The following NPAS3 variants were observed in gnomAD, a reference collection of about 807,000 sequenced individuals.
The protein encoded by NPAS3 is neuronal PAS domain protein 3.
Under a neutral mutation model 73.1 loss-of-function variants are expected in NPAS3, and 14 were observed. The observed-to-expected ratio is 0.19, with a 90% CI of 0.13 to 0.30. The LOEUF is 0.30. Among genes scored for constraint, NPAS3 ranks in the 10% least tolerant of loss-of-function variants. NPAS3 has a pLI of 1.00. For synonymous variants in NPAS3, 620 were observed against 541.5 expected, an observed-to-expected ratio of 1.14 and a Z score of -2.01; for missense variants, 1,096 against 1,250.0, an observed-to-expected ratio of 0.88 and a Z score of 1.86.
chr14:33,341,593 A>G lies in NPAS3; in HGVS notation c.386-25593A>G, dbSNP rs187803421. ...TGGCAGAGTGGGGCGATCTGGGTAT[A>G]AATGGGAAGGGCTGGTTCCTCACAG... On this transcript the variant is annotated intron_variant, in intron 3 of 11. Transcript: ENST00000356141. 1.2e-4 allele frequency among the ~76,000 whole-genome samples: 19 copies of G among 152,182 alleles called. No individual in the cohort carries two copies. The East Asian group carries it at 3.5e-3, about 28-fold the overall frequency.
chr14:33,010,135 A>G (rs2039139777), intron 1 of NPAS3, among the ~76,000 whole-genome samples: 1 of 152,210 alleles, frequency 6.6e-6, no homozygotes, highest in South Asian at 2.1e-4. Context: ...ATCATCAAAC[A>G]GCCAGTTTAA....
Position 33,453,850 on chromosome 14 carries a change from CTTTG to C in NPAS3, c.468+86594_468+86597del, listed in dbSNP as rs539256984. ...TCCTCCTAATGGTCTGATATGCTTC[CTTTG>C]TTTGTTTGTTTTGTTAGTAGAGATG... On this transcript the variant is annotated intron_variant, in intron 4 of 11. Transcript: ENST00000356141. Among the ~76,000 whole-genome samples the C allele has an allele frequency of 2.6e-4, 39 of 152,148 alleles. 1 individual carries two copies. In the South Asian group the frequency reaches 7.9e-3, roughly 31 times the overall value.
intron 4 of NPAS3, among the ~76,000 whole-genome samples, chr14:33,430,116 T>A (rs1486079270): frequency 6.6e-6 from 1 of 152,112 alleles, no homozygotes; most frequent in African/African-American, 2.4e-5. Context: ...AAACGAGGCT[T>A]GATGAGGATT....
chr14:33,611,762 A>G (rs1320135198), intron 5 of NPAS3, among the ~76,000 whole-genome samples: 1 of 152,172 alleles, frequency 6.6e-6, no homozygotes, highest in East Asian at 1.9e-4. Flanking sequence ...TTAGTGTTCA[A>G]GTAAAATTGG....
chr14:33,384,678 C>T (rs904910853), intron 4 of NPAS3, among the ~76,000 whole-genome samples: 5 of 152,110 alleles, frequency 3.3e-5, no homozygotes, highest in African/African-American at 4.8e-5. Context: ...TGCAGTGGGC[C>T]GAGATCGCTC....
At chr14:33,373,495 T>TCACTCA (rs1416304392) in intron 4 of NPAS3, among the ~76,000 whole-genome samples, 3 of 152,060 alleles carry the variant, frequency 2.0e-5, no homozygotes, top group African/African-American at 7.2e-5. Flanking sequence ...TCTTTATTCA[T>TCACTCA]CACTCATTTT....
At chr14:33,655,726 T>C (rs1213801332) in intron 5 of NPAS3, among the ~76,000 whole-genome samples, 1 of 152,156 alleles carries the variant, frequency 6.6e-6, no homozygotes, top group Non-Finnish European at 1.5e-5. Flanking sequence ...GGGTTTTTTG[T>C]TTTGTTTCGT....
At chr14:33,354,100 G>T (rs1334177837) in intron 3 of NPAS3, among the ~76,000 whole-genome samples, 6 of 152,150 alleles carry the variant, frequency 3.9e-5, no homozygotes, top group Non-Finnish European at 8.8e-5. Context: ...CTTTTTAAAA[G>T]AGTTTTTCAT....
chr14:33,184,293 G>T (rs2045907427), intron 2 of NPAS3, among the ~76,000 whole-genome samples: 1 of 152,146 alleles, frequency 6.6e-6, no homozygotes, highest in Non-Finnish European at 1.5e-5. Flanking sequence ...AAGCGGCAGA[G>T]GGAGATGATG....
chr14:33,245,729 G>A (rs948510533), intron 3 of NPAS3, among the ~76,000 whole-genome samples: 27 of 151,962 alleles, frequency 1.8e-4, no homozygotes, highest in African/African-American at 5.3e-4. Context: ...CTGTGTTGAG[G>A]ACCTATTACA....
At chr14:33,265,635 A>G (rs1200442177) in intron 3 of NPAS3, among the ~76,000 whole-genome samples, 1 of 152,184 alleles carries the variant, frequency 6.6e-6, no homozygotes, top group Admixed American at 6.6e-5. Flanking sequence ...CTATTTTTCT[A>G]TACTTGAGAA....
At chr14:33,027,291 A>G (rs1334848342) in intron 1 of NPAS3, among the ~76,000 whole-genome samples, 2 of 152,162 alleles carry the variant, frequency 1.3e-5, no homozygotes, top group African/African-American at 4.8e-5. Context: ...TTTTGGCAAA[A>G]TAGCAAGGCA....
intron 4 of NPAS3, among the ~76,000 whole-genome samples, chr14:33,546,588 T>C (rs1308567118): frequency 1.3e-5 from 2 of 152,240 alleles, no homozygotes; most frequent in African/African-American, 4.8e-5. Context: ...GTAAGCTATG[T>C]GGGACAGGGA....
At chr14:33,241,432 A>G (rs1198524879) in intron 3 of NPAS3, among the ~76,000 whole-genome samples, 1 of 151,998 alleles carries the variant, frequency 6.6e-6, no homozygotes, top group Non-Finnish European at 1.5e-5. Flanking sequence ...GCCCAACAAT[A>G]TTGGGTCCAC....
intron 1 of NPAS3, among the ~76,000 whole-genome samples, chr14:32,957,643 A>T (rs1391244464): frequency 1.3e-5 from 2 of 152,158 alleles, no homozygotes; most frequent in Non-Finnish European, 2.9e-5. Flanking sequence ...AAGTGCTGGG[A>T]TTACAGGCTT....
intron 2 of NPAS3, among the ~76,000 whole-genome samples, chr14:33,207,696 T>C (rs1192125213): frequency 6.6e-6 from 1 of 152,152 alleles, no homozygotes; most frequent in South Asian, 2.1e-4. Flanking sequence ...TTATGAGAAA[T>C]GGAATTATGT....
intron 4 of NPAS3, among the ~76,000 whole-genome samples, chr14:33,404,286 A>G (rs2047570402): frequency 6.6e-6 from 1 of 152,118 alleles, no homozygotes; most frequent in Non-Finnish European, 1.5e-5. Context: ...TGAAGAGGCT[A>G]AGAAGGAAAA....
At chr14:33,371,670 A>G (rs374110879) in intron 4 of NPAS3, among the ~76,000 whole-genome samples, 1 of 152,196 alleles carries the variant, frequency 6.6e-6, no homozygotes, top group East Asian at 1.9e-4. Context: ...TTCATATCTA[A>G]TGCATATATC....
At chr14:33,562,502 G>A (rs749184350) in intron 5 of NPAS3, among the ~76,000 whole-genome samples, 19 of 152,130 alleles carry the variant, frequency 1.2e-4, no homozygotes, top group Admixed American at 2.0e-4. Flanking sequence ...CCTTCATTTG[G>A]CAGCACTATA....
Sources: allele counts gnomAD v4.1 joint callset (sites outside exome capture counted in the v4.1 genomes callset), GRCh38; gene constraint gnomAD v4.1.1; transcripts MANE v1.5; gene names NCBI Gene and HGNC (gene_info 2026-07-23, HGNC 2026-07-21).